CNTNAP2: variants seen among roughly 807,000 people sequenced by gnomAD.
CNTNAP2 encodes contactin associated protein 2, also known as contactin-associated protein-like 2.
CNTNAP2 carries 98 observed loss-of-function variants against 155.2 expected under a neutral mutation model. That is an observed-to-expected ratio of 0.63 (90% confidence interval 0.54 to 0.75). The LOEUF is 0.75. Among genes scored for constraint, CNTNAP2 ranks in the 30% least tolerant of loss-of-function variants. CNTNAP2 has a pLI of 0.00. For missense variants in CNTNAP2, 1,727 were observed against 1,688.1 expected, an observed-to-expected ratio of 1.02 and a Z score of -0.40; for synonymous variants, 651 against 631.2, an observed-to-expected ratio of 1.03 and a Z score of -0.47.
chr7:147,503,609 A>G (rs1012625584), intron 11 of CNTNAP2, among the ~76,000 whole-genome samples: 1 of 152,092 alleles, frequency 6.6e-6, no homozygotes, highest in Non-Finnish European at 1.5e-5. Context: ...TACTTTCTGT[A>G]GGCTCCAGTC....
At chr7:147,015,889 A>G (rs1798715456) in intron 3 of CNTNAP2, among the ~76,000 whole-genome samples, 1 of 152,118 alleles carries the variant, frequency 6.6e-6, no homozygotes, top group African/African-American at 2.4e-5. Flanking sequence ...CGAGAAGGTA[A>G]TATACTTGCT....
At chr7:148,147,415 TTG>T in intron 16 of CNTNAP2, 74 bp from the exon 17 acceptor site, 1 of 1,418,686 alleles carries the variant, frequency 7.0e-7, no homozygotes, top group African/African-American at 1.4e-5. Flanking sequence ...CCTGCTTTGT[TTG>T]TCGTCTAGAA....
At chr7:148,284,232 G>C (rs1420719229) in intron 21 of CNTNAP2, among the ~76,000 whole-genome samples, 1 of 147,868 alleles carries the variant, frequency 6.8e-6, no homozygotes. Flanking sequence ...CCCACTTGTT[G>C]TGGGAGGGAC....
chr7:147,985,115 A>AAAAATAAAT (rs1554458354), intron 15 of CNTNAP2, among the ~76,000 whole-genome samples: 2 of 145,590 alleles, frequency 1.4e-5, no homozygotes, highest in East Asian at 4.0e-4. Flanking sequence ...ACTCTGTCAA[A>AAAAATAAAT]AAATAAATAA....
chr7:147,882,255 T>C (rs1799533828), intron 13 of CNTNAP2, among the ~76,000 whole-genome samples: 1 of 152,220 alleles, frequency 6.6e-6, no homozygotes, highest in African/African-American at 2.4e-5. Flanking sequence ...TGGAACGTTA[T>C]GATCATAATG....
intron 21 of CNTNAP2, among the ~76,000 whole-genome samples, chr7:148,293,081 AAT>A (rs1431751587): frequency 3.3e-5 from 5 of 150,630 alleles, no homozygotes; most frequent in African/African-American, 9.8e-5. Context: ...AAATAAATAA[AAT>A]AAAATAAAAT....
chr7:147,196,920 G>A (rs1015315916), intron 8 of CNTNAP2, among the ~76,000 whole-genome samples: 5 of 152,136 alleles, frequency 3.3e-5, no homozygotes, highest in African/African-American at 1.2e-4. Flanking sequence ...CTACTATACT[G>A]CTGTTGAGGC....
chr7:147,700,258 A>C (rs1416525861), intron 13 of CNTNAP2, among the ~76,000 whole-genome samples: 1 of 152,180 alleles, frequency 6.6e-6, no homozygotes, highest in African/African-American at 2.4e-5. Flanking sequence ...CATGGATTAA[A>C]ATGATTCAGA....
chr7:147,719,634 T>C (rs568703227), intron 13 of CNTNAP2, among the ~76,000 whole-genome samples: 37 of 152,136 alleles, frequency 2.4e-4, no homozygotes, highest in Admixed American at 8.5e-4. Context: ...TCTTAAATTA[T>C]CTCACTAGGT....
At chr7:147,031,018 A>G (rs746729866) in intron 3 of CNTNAP2, among the ~76,000 whole-genome samples, 1 of 152,188 alleles carries the variant, frequency 6.6e-6, no homozygotes, top group Non-Finnish European at 1.5e-5. Context: ...GAAGATGAGT[A>G]TATTATTTAC....
In CNTNAP2 at chr7:146,461,129, C is replaced by A. The variant is rs565696189; in HGVS notation, c.98-313142C>A. Among the ~76,000 whole-genome samples the A allele has an allele frequency of 7.2e-5, 11 of 152,064 alleles. No homozygotes were observed. In the South Asian group the frequency reaches 1.5e-3, roughly 20 times the overall value. ...TTAATAATACCTTAATAAGGCTGGG[C>A]GCGGTGGCTCACACCTGTAATCCCA... is the stretch of plus-strand genomic sequence containing the variant. On this transcript the variant is annotated intron_variant, in intron 1 of 23. Coordinates refer to ENST00000361727, the MANE Select transcript of CNTNAP2 (RefSeq NM_014141.6).
chr7:146,419,587 A>T (rs188611562), intron 1 of CNTNAP2, among the ~76,000 whole-genome samples: 3 of 152,286 alleles, frequency 2.0e-5, no homozygotes, highest in Non-Finnish European at 2.9e-5. Flanking sequence ...TTAATTAAAA[A>T]AATTCAATAG....
intron 21 of CNTNAP2, among the ~76,000 whole-genome samples, chr7:148,344,894 C>T (rs1798294615): frequency 6.6e-6 from 1 of 152,138 alleles, no homozygotes; most frequent in Non-Finnish European, 1.5e-5. Context: ...AAATCAATTA[C>T]ACAAATTCAA....
intron 1 of CNTNAP2, among the ~76,000 whole-genome samples, chr7:146,565,679 C>T (rs767271631): frequency 6.6e-6 from 1 of 152,170 alleles, no homozygotes; most frequent in Non-Finnish European, 1.5e-5. Flanking sequence ...AACATCCCTT[C>T]GAAATGTAGG....
chr7:147,684,277 A>C (rs1251470662), intron 13 of CNTNAP2, among the ~76,000 whole-genome samples: 1 of 151,870 alleles, frequency 6.6e-6, no homozygotes, highest in African/African-American at 2.4e-5. Flanking sequence ...TTAAGGTTTA[A>C]CATTCATTCC....
At chr7:148,306,942 G>A (rs1363145864) in intron 21 of CNTNAP2, among the ~76,000 whole-genome samples, 1 of 152,056 alleles carries the variant, frequency 6.6e-6, no homozygotes, top group Non-Finnish European at 1.5e-5. Context: ...CCTGTCACCC[G>A]TGGGCTTCAG....
chr7:146,257,219 G>A (rs922677382), intron 1 of CNTNAP2, among the ~76,000 whole-genome samples: 1 of 152,122 alleles, frequency 6.6e-6, no homozygotes, highest in Non-Finnish European at 1.5e-5. Context: ...AGGGGGAGAT[G>A]AATTATGAGA....
intron 21 of CNTNAP2, 42 bp from the exon 22 acceptor site, chr7:148,383,607 A>G (rs925888273): frequency 1.2e-6 from 2 of 1,614,052 alleles, no homozygotes; most frequent in African/African-American, 1.3e-5. Flanking sequence ...CAGCTGGACT[A>G]TGGTGAGTCA....
At chr7:148,115,983 A>T (rs1345257619) in intron 15 of CNTNAP2, among the ~76,000 whole-genome samples, 2 of 152,062 alleles carry the variant, frequency 1.3e-5, no homozygotes. Context: ...TACTAAAAAT[A>T]CAAAAATTAG....
Sources: allele counts gnomAD v4.1 joint callset (sites outside exome capture counted in the v4.1 genomes callset), GRCh38; gene constraint gnomAD v4.1.1; transcripts MANE v1.5; gene names NCBI Gene and HGNC (gene_info 2026-07-23, HGNC 2026-07-21).